HEATR5A: variants seen among roughly 807,000 people sequenced by gnomAD.
HEATR5A encodes the protein HEAT repeat-containing protein 5A.
HEATR5A carries 178 observed loss-of-function variants against 218.8 expected under a neutral mutation model. That is an observed-to-expected ratio of 0.81 (90% CI 0.72 to 0.92). The LOEUF is 0.92. HEATR5A is among the 40% of genes least tolerant of loss of function. HEATR5A has a pLI of 0.00. For missense variants in HEATR5A, 2,420 were observed against 2,418.9 expected (o/e 1.00, Z -0.01); for synonymous variants, 864 against 871.6 (o/e 0.99, Z 0.15).
At chr14:31,358,509 C>CA in intron 16 of HEATR5A, 128 bp downstream of exon 16, 1 of 858,080 alleles carries the variant, frequency 1.2e-6, no homozygotes, top group East Asian at 2.5e-5. Context: ...AATAATTAAA[C>CA]AAAAACTTAT....
intron 1 of HEATR5A, among the ~76,000 whole-genome samples, chr14:31,410,430 T>A (rs2031233888): frequency 6.6e-6 from 1 of 152,200 alleles, no homozygotes; most frequent in Non-Finnish European, 1.5e-5. Context: ...TACCCTGACC[T>A]CAGATTTTCA....
intron 10 of HEATR5A, among the ~76,000 whole-genome samples, chr14:31,382,820 G>A (rs1209603711): frequency 6.7e-6 from 1 of 150,004 alleles, no homozygotes; most frequent in African/African-American, 2.5e-5. Flanking sequence ...TAATTTTGAT[G>A]TATAAATCAT....
intron 16 of HEATR5A, among the ~76,000 whole-genome samples, chr14:31,357,095 T>A (rs763675531): frequency 1.8e-4 from 28 of 152,230 alleles, no homozygotes; most frequent in Non-Finnish European, 3.1e-4. Flanking sequence ...GTAATTTTCC[T>A]CTTCATTCAT....
Position 31,388,993 on chromosome 14 carries a change from T to C in HEATR5A, c.785A>G (p.Gln262Arg), listed in dbSNP as rs1321630579. ...CTCCAAAGATACTCTGCGAATGCTT[T>C]GACGTGAGGCTGCTATGACAAAGAA... The part of the protein sequence containing the change: ...SKHPGTAASR[Q>R]SIRRVSLEEV... Residue 262 changes from glutamine (Q) to arginine (R), a missense_variant, in exon 7 of 36, where the codon CAA becomes CGA. Physicochemically the swap from Gln to Arg is conservative, Grantham distance 43. Transcript: ENST00000543095. The C allele has an allele frequency of 7.4e-6, 12 of 1,611,306 alleles. No homozygotes were observed. Among genetic ancestry groups the C allele is most frequent in the Non-Finnish European group, 1.0e-5 (12 of 1,178,570 alleles).
chr14:31,317,866 A>T (rs1899963407), intron 26 of HEATR5A, among the ~76,000 whole-genome samples: 1 of 152,182 alleles, frequency 6.6e-6, no homozygotes, highest in African/African-American at 2.4e-5. Context: ...ATATCCATCA[A>T]TTATCCATCA....
In HEATR5A at chr14:31,394,183, G is replaced by A. The variant is rs775287849; in HGVS notation, c.641C>T (p.Thr214Met). The A allele has an allele frequency of 2.5e-5, 38 of 1,514,142 alleles. No homozygotes were observed. The highest frequency in any genetic ancestry group is 1.3e-4 in the South Asian group (10 of 79,686). The allele number at this position is 1,514,142 out of a possible 1,614,324, so 93.8% of individuals were successfully genotyped here. ...LQNEAIFMWS[T>M]DLDSVATLCF... ...CAGTGTGGCCACACTGTCCAGGTCC[G>A]TACTCCACATAAAGATGGCTTCATT... The change falls in exon 6 of 36, where the codon ACG becomes ATG. Residue 214 changes from threonine (T) to methionine (M), a missense_variant. Transcript: ENST00000543095.
intron 1 of HEATR5A, among the ~76,000 whole-genome samples, chr14:31,412,845 G>T (rs2139325899): frequency 6.6e-6 from 1 of 152,300 alleles, no homozygotes; most frequent in Middle Eastern, 3.4e-3. Flanking sequence ...TTGCACTCCA[G>T]CCTGGGCAAC....
Position 31,347,878 on chromosome 14 carries a change from C to T in HEATR5A, c.2738G>A (p.Arg913Lys), listed in dbSNP as rs534042069. ...CCCCAAGGCCAATGAGTGTCCTGTTCTGGTAACCACATCCCTTGCTGATTT... is the reference window on the plus strand; with the variant it reads ...CCCCAAGGCCAATGAGTGTCCTGTTTTGGTAACCACATCCCTTGCTGATTT... ...KLKSARDVVT[R>K]TGHSLALGSL... Residue 913 changes from arginine to lysine, a missense_variant, in exon 19 of 36, where the codon AGA (arginine) becomes AAA (lysine). Transcript: ENST00000543095. 4.8e-5 allele frequency: 74 copies of T among 1,554,362 alleles called. No individual in the cohort carries two copies. In the East Asian group the frequency reaches 1.6e-3, roughly 34 times the overall value.
intron 1 of HEATR5A, among the ~76,000 whole-genome samples, chr14:31,411,208 GT>G (rs1275424939): frequency 6.6e-6 from 1 of 152,008 alleles, no homozygotes; most frequent in African/African-American, 2.4e-5. Flanking sequence ...AAAACATCCA[GT>G]TTTTGAAAAT....
At chr14:31,375,915 C>G (rs1049026612) in intron 11 of HEATR5A, among the ~76,000 whole-genome samples, 1 of 152,108 alleles carries the variant, frequency 6.6e-6, no homozygotes, top group African/African-American at 2.4e-5. Flanking sequence ...GCTTTTCTCC[C>G]CAGGTACTTT....
In HEATR5A at chr14:31,306,890, A is replaced by G. The variant is rs749739876; in HGVS notation, c.4819-11T>C. On this transcript the variant is annotated splice_polypyrimidine_tract_variant and intron_variant, in intron 30 of 35. Coordinates refer to ENST00000543095, the MANE Select transcript of HEATR5A (RefSeq NM_015473.4). ...TTCTATACCCAAGTCCTATCATGGAAATCATGTACAGGACACTGTATTAGA... is the reference window on the plus strand; with the variant it reads ...TTCTATACCCAAGTCCTATCATGGAGATCATGTACAGGACACTGTATTAGA... 4 of 1,592,364 alleles carry G rather than the reference A, an allele frequency of 2.5e-6. No homozygotes were observed. Among genetic ancestry groups the G allele is most frequent in the South Asian group, 2.2e-5 (2 of 89,108 alleles).
In HEATR5A at chr14:31,308,984, G is replaced by A. The variant is rs1224790245; in HGVS notation, c.4640C>T (p.Thr1547Ile). ...GTAGACATCCTCAGGGGACTTTATG[G>A]TAGCCCCAGATGATGAACCCTGACA... ...SMCQGSSSGATIKSPEDVYTD... is the reference protein window; with the variant it reads ...SMCQGSSSGAIIKSPEDVYTD... Residue 1547 changes from threonine to isoleucine, a missense_variant, in exon 29 of 36, where the codon ACC (threonine) becomes ATC (isoleucine). By Grantham distance (89) the Thr-to-Ile change is moderately conservative. Coordinates refer to ENST00000543095, the MANE Select transcript of HEATR5A (RefSeq NM_015473.4). The A allele has an allele frequency of 6.2e-7, 1 of 1,613,582 alleles. No homozygotes were observed. The highest frequency in any genetic ancestry group is 2.2e-5 in the East Asian group (1 of 44,878).
chr14:31,350,855 A>G (rs968680553), intron 16 of HEATR5A, 138 bp from the exon 17 acceptor site: 4 of 559,244 alleles, frequency 7.2e-6, no homozygotes, highest in Non-Finnish European at 1.3e-5. Context: ...TCGGCTCACT[A>G]CAACCTCCAC....
In HEATR5A at chr14:31,371,729, C is replaced by T. The variant is rs117657049; in HGVS notation, c.1961+81G>A. 356 of 521,478 alleles carry T rather than the reference C, an allele frequency of 6.8e-4. 4 individuals are homozygous for T. In the East Asian group the frequency reaches 7.6e-3, roughly 11 times the overall value. The allele number at this position is 521,478 out of a possible 1,614,324, so 32.3% of individuals were successfully genotyped here. A position where few individuals can be genotyped will look rare whatever the true frequency, so the allele number is the denominator to read the frequency against. ...CCTCCATAAAATCATTCACCAACTA[C>T]AGAAATTTGCCTTATTAATGTACTT... On this transcript the variant is annotated intron_variant, in intron 13 of 35. Coordinates refer to ENST00000543095, the MANE Select transcript of HEATR5A (RefSeq NM_015473.4).
In HEATR5A at chr14:31,387,153, A is replaced by C; in HGVS notation, c.1156T>G (p.Cys386Gly). ...TTCTTTAGCTTCCAGATGGCCTGGC[A>C]AATATCCTTTACAGCAGCAAGCTGA... ...KAQLAAVKDI[C>G]QAIWKLKKVM... The change falls in exon 8 of 36, where the codon TGC becomes GGC. Residue 386 changes from cysteine (C) to glycine (G), a missense_variant. Transcript: ENST00000543095. 6.2e-7 allele frequency: 1 copy of C among 1,614,018 alleles called. No homozygotes were observed. Among genetic ancestry groups the C allele is most frequent in the South Asian group, 1.1e-5 (1 of 91,084 alleles).
intron 13 of HEATR5A, among the ~76,000 whole-genome samples, chr14:31,370,867 T>C (rs187726271): frequency 6.6e-6 from 1 of 152,346 alleles, no homozygotes; most frequent in East Asian, 1.9e-4. Context: ...CTAAACAATG[T>C]ACTATTTTAA....
intron 25 of HEATR5A, among the ~76,000 whole-genome samples, chr14:31,318,885 C>A (rs1307489942): frequency 6.6e-6 from 1 of 152,166 alleles, no homozygotes; most frequent in Non-Finnish European, 1.5e-5. Flanking sequence ...AAGACTTTCA[C>A]TGGGAGTACT....
In HEATR5A at chr14:31,350,698, G is replaced by C. The variant is rs750016536; in HGVS notation, c.2431C>G (p.Leu811Val). Residue 811 changes from leucine to valine, a missense_variant, in exon 17 of 36, where the codon CTT becomes GTT. By Grantham distance (32) the Leu-to-Val change is conservative. Transcript: ENST00000543095. ...ETQRLLILEQ[L>V]LDSIKHTKGA... ...TTTGTGTGCTTTATACTGTCCAAAA[G>C]CTGTTCCAATATAAGAAGCCTACAA... 1 of 1,584,218 alleles carries C rather than the reference G, an allele frequency of 6.3e-7. No individual in the cohort carries two copies. Among genetic ancestry groups the C allele is most frequent in the Non-Finnish European group, 8.6e-7 (1 of 1,158,318 alleles).
rs183956333 is a variant in HEATR5A at position 31,335,276 on chromosome 14, A to G, written c.3367+2200T>C. ...CATGGTCTGGAACCAAACCCACAAT[A>G]CTAGGTATTGTGTATAGGTATGCCT... On this transcript the variant is annotated intron_variant, in intron 22 of 35. Coordinates refer to ENST00000543095, the MANE Select transcript of HEATR5A (RefSeq NM_015473.4). Among the ~76,000 whole-genome samples the G allele has an allele frequency of 1.5e-3, 229 of 152,254 alleles. 1 individual carries two copies. Among genetic ancestry groups the G allele is most frequent in the African/African-American group, 5.4e-3 (224 of 41,562 alleles).
Sources: gnomAD v4.1 joint callset for allele counts (sites outside exome capture counted in the v4.1 genomes callset) on GRCh38, gnomAD v4.1.1 for gene constraint, MANE v1.5 for transcripts, NCBI Gene and HGNC (gene_info 2026-07-23, HGNC 2026-07-21) for gene names.